Variants in NBEA observed in about 807,000 individuals in gnomAD.
The protein encoded by NBEA is neurobeachin.
Under a neutral mutation model 343.4 loss-of-function variants are expected in NBEA, and 44 were observed. The ratio of observed to expected loss-of-function variants is 0.13; its 90% CI spans 0.10 to 0.16. The LOEUF (loss-of-function observed/expected upper bound fraction) is 0.16. NBEA is among the 10% of genes least tolerant of loss of function. NBEA has a pLI of 1.00. For synonymous variants in NBEA, 1,175 were observed against 1,238.7 expected (o/e 0.95, Z 1.08); for missense variants, 2,555 against 3,631.3 (o/e 0.70, Z 7.62).
chr13:35,614,296 CT>C (rs1265635859), intron 48 of NBEA, among the ~76,000 whole-genome samples: 3 of 152,156 alleles, frequency 2.0e-5, no homozygotes, highest in African/African-American at 7.2e-5. Context: ...AGGAATGATA[CT>C]TCATTTTTTA....
intron 10 of NBEA, among the ~76,000 whole-genome samples, chr13:35,093,322 A>C (rs1371034104): frequency 6.6e-6 from 1 of 152,004 alleles, no homozygotes; most frequent in Non-Finnish European, 1.5e-5. Flanking sequence ...CACCAAAAAA[A>C]AAAAAAAGAG....
chr13:35,085,212 A>G (rs1445672823), intron 10 of NBEA, among the ~76,000 whole-genome samples: 1 of 152,134 alleles, frequency 6.6e-6, no homozygotes, highest in African/African-American at 2.4e-5. Context: ...AAAAAGAGGG[A>G]ATCCTCCCTA....
intron 45 of NBEA, among the ~76,000 whole-genome samples, chr13:35,576,189 T>C (rs1234150073): frequency 1.3e-5 from 2 of 151,744 alleles, no homozygotes; most frequent in Non-Finnish European, 2.9e-5. Context: ...CAATCTTGGC[T>C]CACTACAACT....
intron 38 of NBEA, among the ~76,000 whole-genome samples, chr13:35,427,336 A>G (rs1029372302): frequency 7.9e-5 from 12 of 152,002 alleles, no homozygotes; most frequent in African/African-American, 2.9e-4. Flanking sequence ...CCTGTTTGTT[A>G]GTTTTCCTTC....
rs2085596115 is a variant in NBEA at position 35,671,049 on chromosome 13, A to G, written c.*58A>G. 2 of 1,271,660 alleles carry G rather than the reference A, an allele frequency of 1.6e-6. No homozygotes were observed. Among genetic ancestry groups the G allele is most frequent in the Non-Finnish European group, 2.2e-6 (2 of 901,182 alleles). 78.8% of individuals were successfully genotyped at this position (1,271,660 alleles called of 1,614,324 possible). A position where few individuals can be genotyped will look rare whatever the true frequency, so the allele number is the denominator to read the frequency against. On this transcript the variant is annotated 3_prime_UTR_variant, in exon 59 of 59. Transcript: ENST00000379939. ...CTGAGAGCACAAGTGCTGCATGGAAAGGCAATATCTCTGGTGGAAAAAACT... is the reference window on the plus strand; with the variant it reads ...CTGAGAGCACAAGTGCTGCATGGAAGGGCAATATCTCTGGTGGAAAAAACT...
chr13:35,523,220 T>A (rs994074031), intron 41 of NBEA, among the ~76,000 whole-genome samples: 3 of 152,160 alleles, frequency 2.0e-5, no homozygotes, highest in Admixed American at 6.5e-5. Context: ...ATTGTCCCCA[T>A]GATTGATATT....
intron 1 of NBEA, among the ~76,000 whole-genome samples, chr13:34,989,512 C>T (rs2060673662): frequency 2.7e-5 from 4 of 150,712 alleles, no homozygotes; most frequent in African/African-American, 9.7e-5. Context: ...ACAACCAAAT[C>T]TTATGGGAAC....
chr13:35,610,599 A>G (rs923453917), intron 48 of NBEA, among the ~76,000 whole-genome samples: 3 of 152,208 alleles, frequency 2.0e-5, no homozygotes, highest in Non-Finnish European at 4.4e-5. Flanking sequence ...ACTATCAAAC[A>G]TCTAAAAGAA....
rs554158659 is a variant in NBEA, at chr13:35,206,286, C to T, written c.5367-2414C>T. ...TCAAAGTTAGTAATGATCAACAGAT[C>T]AGAAATTTATAGTAATAGTTTTTCT... On this transcript the variant is annotated intron_variant, in intron 31 of 58. Transcript: ENST00000379939. Among the ~76,000 whole-genome samples, 406 of 152,170 alleles carry T rather than the reference C, an allele frequency of 2.7e-3. 3 individuals are homozygous for T. Among genetic ancestry groups the T allele is most frequent in the African/African-American group, 9.2e-3 (380 of 41,520 alleles).
At chr13:35,521,219 T>G (rs1021792718) in intron 41 of NBEA, among the ~76,000 whole-genome samples, 3 of 152,110 alleles carry the variant, frequency 2.0e-5, no homozygotes, top group Admixed American at 1.3e-4. Context: ...TTAATTTTTA[T>G]GAAAAGTTCC....
intron 1 of NBEA, among the ~76,000 whole-genome samples, chr13:34,995,177 G>T (rs1334097460): frequency 6.6e-6 from 1 of 152,194 alleles, no homozygotes; most frequent in Non-Finnish European, 1.5e-5. Context: ...AACTGGCTGG[G>T]TGTGGTGGCT....
intron 1 of NBEA, among the ~76,000 whole-genome samples, chr13:35,010,051 C>T (rs2061431932): frequency 6.6e-6 from 1 of 152,018 alleles, no homozygotes; most frequent in Non-Finnish European, 1.5e-5. Context: ...TGGCCCTGTT[C>T]AGTTTTATAT....
rs760024595 is a variant in NBEA, at chr13:35,555,115, A to T, written c.6922+13A>T. On this transcript the variant is annotated intron_variant, in intron 44 of 58. Coordinates refer to ENST00000379939, the MANE Select transcript of NBEA (RefSeq NM_001385012.1). ...AATACTATTGCAGGTAAGATGTCTC[A>T]TTCTTTAATCTAATAATATGTTTAT... 6 of 1,371,932 alleles carry T rather than the reference A, an allele frequency of 4.4e-6. No homozygotes were observed. The South Asian group carries it at 7.2e-5, about 17-fold the overall frequency. The allele number at this position is 1,371,932 out of a possible 1,614,324, so 85.0% of individuals were successfully genotyped here.
intron 33 of NBEA, among the ~76,000 whole-genome samples, chr13:35,216,515 T>G (rs1285373371): frequency 6.6e-6 from 1 of 152,020 alleles, no homozygotes; most frequent in Non-Finnish European, 1.5e-5. Flanking sequence ...TCTTGTTTAA[T>G]GATATGGTAT....
chr13:35,418,092 G>T (rs1000533318), intron 38 of NBEA, among the ~76,000 whole-genome samples: 3 of 152,014 alleles, frequency 2.0e-5, no homozygotes, highest in African/African-American at 7.2e-5. Flanking sequence ...CCATTTGCTT[G>T]GTAGATCTTT....
chr13:34,967,176 T>A (rs923110757), intron 1 of NBEA, among the ~76,000 whole-genome samples: 1 of 151,884 alleles, frequency 6.6e-6, no homozygotes, highest in Non-Finnish European at 1.5e-5. Flanking sequence ...GTTATTAAAT[T>A]TGAACTTGGA....
intron 41 of NBEA, among the ~76,000 whole-genome samples, chr13:35,480,650 T>A (rs1410216076): frequency 6.6e-6 from 1 of 152,090 alleles, no homozygotes; most frequent in Admixed American, 6.5e-5. Flanking sequence ...AGGCTCATTG[T>A]AGCCATCTGA....
rs553279000 is a variant in NBEA at position 35,568,563 on chromosome 13, C to T, written c.7035+1546C>T. Among the ~76,000 whole-genome samples the T allele has an allele frequency of 1.3e-4, 20 of 151,994 alleles. No individual in the cohort carries two copies. The East Asian group carries it at 3.9e-3, about 29-fold the overall frequency. On this transcript the variant is annotated intron_variant, in intron 45 of 58. Coordinates refer to ENST00000379939, the MANE Select transcript of NBEA (RefSeq NM_001385012.1). ...GATTATCTAAATAATAAGATCAGTC[C>T]CCCAAAAAATTAAAAATAAAGTACA... is the stretch of plus-strand genomic sequence containing the variant.
At chr13:35,462,713 CAAA>C (rs746329108) in intron 40 of NBEA, among the ~76,000 whole-genome samples, 1,599 of 151,994 alleles carry the variant, frequency 0.011, 19 homozygotes, top group Non-Finnish European at 0.015. Flanking sequence ...GGCTGTTTTC[CAAA>C]GCAGCAGTGA....
Sources: gnomAD v4.1 joint callset for allele counts (sites outside exome capture counted in the v4.1 genomes callset) on GRCh38, gnomAD v4.1.1 for gene constraint, MANE v1.5 for transcripts, NCBI Gene and HGNC (gene_info 2026-07-23, HGNC 2026-07-21) for gene names.